PDGFC: variants seen among roughly 807,000 people sequenced by gnomAD.
PDGFC encodes platelet derived growth factor C, also known as platelet-derived growth factor C.
PDGFC carries 12 observed loss-of-function variants against 35.5 expected under a neutral mutation model. The observed-to-expected ratio is 0.34, with a 90% CI of 0.22 to 0.55. PDGFC has a LOEUF of 0.55. Among genes scored for constraint, PDGFC ranks in the 20% least tolerant of loss-of-function variants. The pLI is 0.91. For synonymous variants in PDGFC, 159 were observed against 148.8 expected (o/e 1.07, Z -0.50); for missense variants, 322 against 412.4 (o/e 0.78, Z 1.90).
At chr4:156,797,707 T>C (rs1579015467) in intron 3 of PDGFC, among the ~76,000 whole-genome samples, 1 of 152,182 alleles carries the variant, frequency 6.6e-6, no homozygotes, top group African/African-American at 2.4e-5. Context: ...AAAGCCGTCC[T>C]GGGCCACATG....
At chr4:156,813,602 C>T (rs1414598292) in intron 2 of PDGFC, among the ~76,000 whole-genome samples, 1 of 151,992 alleles carries the variant, frequency 6.6e-6, no homozygotes, top group East Asian at 1.9e-4. Flanking sequence ...AAAGAAAGCG[C>T]TAAGCATGGT....
chr4:156,794,181 G>A (rs956372982), intron 3 of PDGFC, among the ~76,000 whole-genome samples: 10 of 152,036 alleles, frequency 6.6e-5, no homozygotes, highest in African/African-American at 9.7e-5. Flanking sequence ...TAGCCCTGGC[G>A]TTGCTGACAC....
chr4:156,954,887 G>A lies in PDGFC; in HGVS notation c.118+15899C>T, dbSNP rs1370766654. On this transcript the variant is annotated intron_variant, in intron 1 of 5. Coordinates refer to ENST00000502773, the MANE Select transcript of PDGFC (RefSeq NM_016205.3). ...AGACTGCAGCAGAACAAGCTGTGTT[G>A]GGTCTAAGTGGGCTGTTTTCACTTC... Among the ~76,000 whole-genome samples, 62 of 151,982 alleles carry A rather than the reference G, an allele frequency of 4.1e-4. 1 individual carries two copies. The highest frequency in any genetic ancestry group is 4.1e-3 in the Admixed American group (62 of 15,248).
intron 1 of PDGFC, among the ~76,000 whole-genome samples, chr4:156,911,377 C>T (rs952931030): frequency 1.3e-5 from 2 of 151,892 alleles, no homozygotes; most frequent in South Asian, 4.2e-4. Context: ...ACAAATTCCC[C>T]CTATTCCTTG....
chr4:156,935,951 G>A (rs1270244177), intron 1 of PDGFC, among the ~76,000 whole-genome samples: 1 of 152,090 alleles, frequency 6.6e-6, no homozygotes, highest in Non-Finnish European at 1.5e-5. Flanking sequence ...GACTATTTAG[G>A]GGTCATAGAC....
Position 156,820,190 on chromosome 4 carries a change from G to A in PDGFC, c.315-9173C>T, listed in dbSNP as rs533825215. On this transcript the variant is annotated intron_variant, in intron 2 of 5. Coordinates refer to ENST00000502773, the MANE Select transcript of PDGFC (RefSeq NM_016205.3). ...ATGAACACTGTTGAAATGACAACAA[G>A]GGATTTATAATATTCCATAAACTTA... Among the ~76,000 whole-genome samples the A allele has an allele frequency of 3.3e-5, 5 of 152,304 alleles. No homozygotes were observed. The South Asian group carries it at 1.0e-3, about 32-fold the overall frequency.
chr4:156,846,958 A>G (rs1729340948), intron 2 of PDGFC, among the ~76,000 whole-genome samples: 1 of 151,868 alleles, frequency 6.6e-6, no homozygotes, highest in South Asian at 2.1e-4. Context: ...TGCAGACAGA[A>G]CAATTTCAGC....
intron 1 of PDGFC, chr4:156,873,942 A>G (rs1033404424): frequency 6.6e-6 from 1 of 152,172 alleles, no homozygotes; most frequent in Admixed American, 6.5e-5. Context: ...CTTACTCACT[A>G]AATTGTCTGA....
chr4:156,931,424 C>T (rs143681148), intron 1 of PDGFC, among the ~76,000 whole-genome samples: 50 of 152,266 alleles, frequency 3.3e-4, no homozygotes, highest in African/African-American at 1.1e-3. Context: ...ATTGCATTCA[C>T]GTCTTCGGTT....
At chr4:156,814,095 T>C (rs577559704) in intron 2 of PDGFC, among the ~76,000 whole-genome samples, 1 of 150,364 alleles carries the variant, frequency 6.7e-6, no homozygotes, top group African/African-American at 2.5e-5. Context: ...CTCTTTCTAG[T>C]TTTTAAAAAT....
intron 2 of PDGFC, among the ~76,000 whole-genome samples, chr4:156,833,923 T>C (rs977804141): frequency 1.3e-5 from 2 of 152,216 alleles, no homozygotes; most frequent in African/African-American, 4.8e-5. Flanking sequence ...TTGTAGCATT[T>C]ATTACATAAC....
chr4:156,824,315 T>TACACAC (rs1315420411), intron 2 of PDGFC, among the ~76,000 whole-genome samples: 6 of 48,282 alleles, frequency 1.2e-4, no homozygotes, highest in African/African-American at 4.1e-4. Flanking sequence ...TATATATATA[T>TACACAC]ATATATATAT....
At chr4:156,790,859 G>A (rs1019341419) in intron 3 of PDGFC, among the ~76,000 whole-genome samples, 2 of 152,170 alleles carry the variant, frequency 1.3e-5, no homozygotes, top group African/African-American at 4.8e-5. Flanking sequence ...AAGTTCCTCT[G>A]GCACAGGGTA....
chr4:156,778,147 A>C lies in PDGFC; in HGVS notation c.496-5254T>G, dbSNP rs1436317185. 3.5e-5 allele frequency: 10 copies of C among 281,864 alleles called. No individual in the cohort carries two copies. In the Admixed American group the frequency reaches 4.3e-4, roughly 12 times the overall value. 17.5% of individuals were successfully genotyped at this position (281,864 alleles called of 1,614,324 possible). The stretch of plus-strand genomic sequence containing the variant: ...AAATAAAAAATAAGGCAAATGAACA[A>C]AAGTAAAAACCTGTGAGGTGAGCAC... On this transcript the variant is annotated intron_variant, in intron 3 of 5. Coordinates refer to ENST00000502773, the MANE Select transcript of PDGFC (RefSeq NM_016205.3).
chr4:156,852,295 C>T (rs1729476742), intron 1 of PDGFC, among the ~76,000 whole-genome samples: 1 of 152,156 alleles, frequency 6.6e-6, no homozygotes, highest in Non-Finnish European at 1.5e-5. Flanking sequence ...ATTGTATTCA[C>T]TGCCTTTTGG....
intron 2 of PDGFC, among the ~76,000 whole-genome samples, chr4:156,846,875 C>CA (rs1370346168): frequency 6.6e-6 from 1 of 151,628 alleles, no homozygotes; most frequent in Non-Finnish European, 1.5e-5. Flanking sequence ...TGAAGGAAAA[C>CA]AAAACATAAA....
At chr4:156,945,992 T>A (rs1367749395) in intron 1 of PDGFC, among the ~76,000 whole-genome samples, 1 of 152,120 alleles carries the variant, frequency 6.6e-6, no homozygotes, top group African/African-American at 2.4e-5. Context: ...GATTTGGCAA[T>A]AGTTATCATG....
At chr4:156,891,418 T>C (rs1730507438) in intron 1 of PDGFC, among the ~76,000 whole-genome samples, 1 of 149,448 alleles carries the variant, frequency 6.7e-6, no homozygotes, top group Admixed American at 6.7e-5. Context: ...CATGTGCCTC[T>C]ACACGCACAA....
At chr4:156,809,990 C>T (rs1011371568) in intron 3 of PDGFC, among the ~76,000 whole-genome samples, 1 of 151,714 alleles carries the variant, frequency 6.6e-6, no homozygotes, top group Non-Finnish European at 1.5e-5. Context: ...GAAAGTGTAT[C>T]CATGGCCCTC....
Sources: gnomAD v4.1 joint callset for allele counts (sites outside exome capture counted in the v4.1 genomes callset) on GRCh38, gnomAD v4.1.1 for gene constraint, MANE v1.5 for transcripts, NCBI Gene and HGNC (gene_info 2026-07-23, HGNC 2026-07-21) for gene names.